Variants in LRRC18 observed in about 807,000 individuals in gnomAD.
LRRC18 encodes leucine rich repeat containing 18, also known as leucine-rich repeat-containing protein 18.
In LRRC18, 12 loss-of-function variants were observed where a neutral mutation model predicts 11.2. That is an observed-to-expected ratio of 1.07 (90% confidence interval 0.69 to 1.74). The LOEUF (loss-of-function observed/expected upper bound fraction) is 1.74, where lower values mean the gene tolerates loss of function less well. LRRC18 is among the 40% of genes most tolerant of loss of function. The pLI is 0.00. For missense variants in LRRC18, 374 were observed against 330.5 expected, an observed-to-expected ratio of 1.13 and a Z score of -1.02; for synonymous variants, 155 against 130.6, an observed-to-expected ratio of 1.19 and a Z score of -1.27.
At chr10:48,911,345 C>T (rs1282639633) in intron 1 of LRRC18, among the ~76,000 whole-genome samples, 6 of 152,108 alleles carry the variant, frequency 3.9e-5, no homozygotes, top group South Asian at 2.1e-4. Context: ...GTGTGTAAAC[C>T]TTTTATGAGC....
the LRRC18 span, among the ~76,000 whole-genome samples, chr10:48,919,860 T>C: frequency 7.5e-6 from 1 of 133,594 alleles, no homozygotes; most frequent in African/African-American, 2.8e-5. Flanking sequence ...TTTGATATGA[T>C]CTCTTTCAAA....
At chr10:48,926,881 T>C in the LRRC18 span, among the ~76,000 whole-genome samples, 5 of 152,172 alleles carry the variant, frequency 3.3e-5, no homozygotes, top group African/African-American at 7.2e-5. Flanking sequence ...CAGGAACTCG[T>C]TGTTTCTCAG....
upstream of LRRC18, among the ~76,000 whole-genome samples, chr10:48,916,370 TTTTG>T (rs200916428): frequency 7.9e-5 from 12 of 152,166 alleles, no homozygotes; most frequent in Admixed American, 2.6e-4. Context: ...GTGTTCTGTT[TTTTG>T]TTTGTTTGTT....
the LRRC18 span, among the ~76,000 whole-genome samples, chr10:48,938,465 C>T: frequency 6.6e-6 from 1 of 152,264 alleles, no homozygotes; most frequent in African/African-American, 2.4e-5. Context: ...GGCCCAGCCA[C>T]AGGCTGCTCT....
chr10:48,930,634 A>G, the LRRC18 span, among the ~76,000 whole-genome samples: 1 of 152,230 alleles, frequency 6.6e-6, no homozygotes, highest in African/African-American at 2.4e-5. Flanking sequence ...CCTTCAGGAA[A>G]TAAGAACAAG....
the LRRC18 span, among the ~76,000 whole-genome samples, chr10:48,924,355 T>G: frequency 6.6e-6 from 1 of 152,248 alleles, no homozygotes; most frequent in Admixed American, 6.5e-5. Flanking sequence ...CATGATCTTT[T>G]GATCATCTGT....
chr10:48,916,693 G>A (rs1329465851), upstream of LRRC18, among the ~76,000 whole-genome samples: 1 of 152,186 alleles, frequency 6.6e-6, no homozygotes, highest in Non-Finnish European at 1.5e-5. Context: ...AGAAATTCAG[G>A]AAAAGTGATT....
chr10:48,936,336 A>C, the LRRC18 span, among the ~76,000 whole-genome samples: 1 of 152,184 alleles, frequency 6.6e-6, no homozygotes, highest in Non-Finnish European at 1.5e-5. Flanking sequence ...TAAATTTCTG[A>C]ATGAAGATGA....
chr10:48,923,483 C>T, the LRRC18 span, among the ~76,000 whole-genome samples: 1 of 66,072 alleles, frequency 1.5e-5, no homozygotes, highest in Non-Finnish European at 3.4e-5. Context: ...AGGTAAACAA[C>T]AAATAGTTTT....
At chr10:48,938,384 G>T in the LRRC18 span, among the ~76,000 whole-genome samples, 1 of 152,372 alleles carries the variant, frequency 6.6e-6, no homozygotes, top group Admixed American at 6.5e-5. Flanking sequence ...GGCTGAGAGG[G>T]TGCAGCCTTT....
At chr10:48,933,045 G>A in the LRRC18 span, among the ~76,000 whole-genome samples, 1 of 152,162 alleles carries the variant, frequency 6.6e-6, no homozygotes, top group African/African-American at 2.4e-5. Context: ...AGGCAGGGAA[G>A]GAGAGTGATG....
the LRRC18 span, among the ~76,000 whole-genome samples, chr10:48,934,930 C>T: frequency 5.9e-5 from 9 of 152,194 alleles, no homozygotes; most frequent in Non-Finnish European, 1.2e-4. Context: ...CCCTGGCCCC[C>T]GAGGATGCCC....
chr10:48,923,496 G>GTATA, the LRRC18 span, among the ~76,000 whole-genome samples: 1,114 of 63,258 alleles, frequency 0.018, 145 homozygotes, highest in African/African-American at 0.036. Context: ...ATAGTTTTTA[G>GTATA]TATATATATA....
chr10:48,925,644 G>GGT, the LRRC18 span, among the ~76,000 whole-genome samples: 8 of 152,196 alleles, frequency 5.3e-5, no homozygotes, highest in Non-Finnish European at 8.8e-5. Flanking sequence ...ACAGATTAGA[G>GGT]GTGCAGAGAT....
chr10:48,914,343 G>A (rs188078887), upstream of LRRC18: 4,365 of 651,934 alleles, frequency 6.7e-3, 26 homozygotes, highest in Non-Finnish European at 8.7e-3. Context: ...AGAGGATTGC[G>A]GAGAGAAGTC....
intron 1 of LRRC18, chr10:48,911,017 G>C (rs1054906642): frequency 1.0e-5 from 5 of 478,520 alleles, no homozygotes; most frequent in Admixed American, 6.4e-5. Context: ...TCATCATGTA[G>C]CTATCCGGCA....
upstream of LRRC18, among the ~76,000 whole-genome samples, chr10:48,917,620 A>G (rs1397581683): frequency 6.6e-6 from 1 of 152,232 alleles, no homozygotes; most frequent in Admixed American, 6.5e-5. Context: ...GAAAAGAACT[A>G]TCAACCCAGA....
chr10:48,935,614 G>A, the LRRC18 span, among the ~76,000 whole-genome samples: 5 of 152,168 alleles, frequency 3.3e-5, no homozygotes, highest in East Asian at 1.9e-4. Context: ...TTTTGAGAGG[G>A]CTGTCTTTCA....
At chr10:48,935,575 G>A in the LRRC18 span, among the ~76,000 whole-genome samples, 481 of 152,334 alleles carry the variant, frequency 3.2e-3, 7 homozygotes, top group African/African-American at 0.011. Flanking sequence ...CTTCGAATTT[G>A]TGCAAGTATT....
Sources: gnomAD v4.1 joint callset for allele counts (sites outside exome capture counted in the v4.1 genomes callset) on GRCh38, gnomAD v4.1.1 for gene constraint, MANE v1.5 for transcripts, NCBI Gene and HGNC (gene_info 2026-07-23, HGNC 2026-07-21) for gene names.